CTIF: variants seen among roughly 807,000 people sequenced by gnomAD.
CTIF encodes the protein cap binding complex dependent translation initiation factor.
In CTIF, 21 loss-of-function variants were observed where a neutral mutation model predicts 66.0. The observed-to-expected ratio is 0.32, with a 90% CI of 0.23 to 0.46. The LOEUF (loss-of-function observed/expected upper bound fraction) is 0.46, where lower values mean the gene tolerates loss of function less well. Ranked by LOEUF, CTIF falls within the 20% of genes least tolerant of loss-of-function variation. The pLI is 1.00. For synonymous variants in CTIF, 345 were observed against 326.4 expected (o/e 1.06, Z -0.62); for missense variants, 739 against 812.7 (o/e 0.91, Z 1.10).
intron 3 of CTIF, among the ~76,000 whole-genome samples, chr18:48,650,554 G>A: frequency 6.6e-6 from 1 of 152,194 alleles, no homozygotes; most frequent in East Asian, 1.9e-4. Flanking sequence ...CACTCTTCAG[G>A]ATATTATCCA....
intron 1 of CTIF, among the ~76,000 whole-genome samples, chr18:48,591,056 G>A (rs141190505): frequency 1.3e-5 from 2 of 152,210 alleles, no homozygotes; most frequent in Admixed American, 6.5e-5. Flanking sequence ...AGGCCAGGGA[G>A]AGCTATTTCC....
chr18:48,729,500 C>G (rs560114038), intron 7 of CTIF, among the ~76,000 whole-genome samples: 1 of 152,158 alleles, frequency 6.6e-6, no homozygotes, highest in African/African-American at 2.4e-5. Flanking sequence ...TCACAGCAGC[C>G]GCCAGTGGTC....
At position 48,859,923 on chromosome 18, in the gene CTIF, G is replaced by T. The variant is rs1365742522; in HGVS notation, c.*364G>T. 6.1e-6 allele frequency: 3 copies of T among 493,554 alleles called. No homozygotes were observed. In the East Asian group the frequency reaches 1.8e-4, roughly 29 times the overall value. 30.6% of individuals were successfully genotyped at this position (493,554 alleles called of 1,614,324 possible). ...CTGTGACTCCTCGGAGACCTTGGCA[G>T]CCTCGCACGCCGGGGCACCGCTTGG... On this transcript the variant is annotated 3_prime_UTR_variant, in exon 12 of 12. Transcript: ENST00000256413.
intron 10 of CTIF, among the ~76,000 whole-genome samples, chr18:48,836,913 C>A (rs1364059082): frequency 6.6e-6 from 1 of 152,204 alleles, no homozygotes; most frequent in African/African-American, 2.4e-5. Context: ...AGTGGGACAC[C>A]CTGGGAAATT....
intron 10 of CTIF, among the ~76,000 whole-genome samples, chr18:48,832,716 A>C (rs998147418): frequency 6.6e-6 from 1 of 152,230 alleles, no homozygotes; most frequent in African/African-American, 2.4e-5. Context: ...AAGTATTGAA[A>C]CATGAAAGTA....
intron 1 of CTIF, among the ~76,000 whole-genome samples, chr18:48,553,626 A>T (rs1179781403): frequency 6.6e-6 from 1 of 151,690 alleles, no homozygotes; most frequent in Non-Finnish European, 1.5e-5. Flanking sequence ...ACTGGAAAAG[A>T]GGTTGAGTGA....
intron 6 of CTIF, among the ~76,000 whole-genome samples, chr18:48,689,063 T>C (rs1222034769): frequency 6.6e-6 from 1 of 152,194 alleles, no homozygotes; most frequent in African/African-American, 2.4e-5. Flanking sequence ...TGAGGGCTCT[T>C]CCGAAAGATG....
At chr18:48,653,732 A>G (rs1286917360) in intron 3 of CTIF, among the ~76,000 whole-genome samples, 1 of 152,264 alleles carries the variant, frequency 6.6e-6, no homozygotes, top group Non-Finnish European at 1.5e-5. Flanking sequence ...ACTATGCTGC[A>G]AGGCTACAGT....
At chr18:48,805,579 A>C (rs2068129191) in intron 9 of CTIF, among the ~76,000 whole-genome samples, 1 of 152,316 alleles carries the variant, frequency 6.6e-6, no homozygotes, top group Admixed American at 6.5e-5. Flanking sequence ...CCTTACTTGA[A>C]GCAACCCTGG....
chr18:48,804,159 G>T (rs2068098781), intron 9 of CTIF, among the ~76,000 whole-genome samples: 1 of 152,160 alleles, frequency 6.6e-6, no homozygotes, highest in Non-Finnish European at 1.5e-5. Flanking sequence ...CTTGGGGAAA[G>T]GTTCAAGTCC....
Position 48,860,059 on chromosome 18 carries a change from G to A in CTIF, c.*500G>A, listed in dbSNP as rs926191194. 9.6e-6 allele frequency: 4 copies of A among 416,676 alleles called. No individual in the cohort carries two copies. Among genetic ancestry groups the A allele is most frequent in the Non-Finnish European group, 1.5e-5 (3 of 203,632 alleles). The allele number at this position is 416,676 out of a possible 1,614,324, so 25.8% of individuals were successfully genotyped here. A position where few individuals can be genotyped will look rare whatever the true frequency, so the allele number is the denominator to read the frequency against. ...TGGCAGCAGGCGACGTGTAGCAGAT[G>A]TCCGGGAGGACAAAGGCAGGCACGG... On this transcript the variant is annotated 3_prime_UTR_variant, in exon 12 of 12. Transcript: ENST00000256413.
intron 6 of CTIF, among the ~76,000 whole-genome samples, chr18:48,678,019 T>C (rs1457314953): frequency 6.6e-6 from 1 of 152,188 alleles, no homozygotes; most frequent in African/African-American, 2.4e-5. Context: ...ATCACACAGC[T>C]GGGAGAAGGG....
At chr18:48,858,611 C>T (rs994210729) in intron 11 of CTIF, among the ~76,000 whole-genome samples, 10 of 152,092 alleles carry the variant, frequency 6.6e-5, no homozygotes, top group Non-Finnish European at 1.3e-4. Context: ...AGGCTGGGGA[C>T]CGAGACGGGG....
At chr18:48,699,710 A>G (rs1568147243) in intron 6 of CTIF, among the ~76,000 whole-genome samples, 2 of 152,204 alleles carry the variant, frequency 1.3e-5, no homozygotes. Context: ...TGGGCTGTCG[A>G]CATGCCATTC....
chr18:48,631,147 T>A (rs1169423163), intron 2 of CTIF, among the ~76,000 whole-genome samples: 1 of 152,194 alleles, frequency 6.6e-6, no homozygotes, highest in Non-Finnish European at 1.5e-5. Flanking sequence ...CCCTGGGGTC[T>A]CCCCAATCTT....
At position 48,675,863 on chromosome 18, in the gene CTIF, G is replaced by A. The variant is rs562254473; in HGVS notation, c.507+5119G>A. Among the ~76,000 whole-genome samples, 4 of 152,272 alleles carry A rather than the reference G, an allele frequency of 2.6e-5. No homozygotes were observed. The South Asian group carries it at 8.3e-4, about 32-fold the overall frequency. On this transcript the variant is annotated intron_variant, in intron 6 of 11. Transcript: ENST00000256413. ...GCTGGCTAAGTGGGGAGATGGAGCC[G>A]CATAATCTGTAATCCATAGTCTAAG...
At chr18:48,726,141 G>A (rs1296428931) in intron 7 of CTIF, among the ~76,000 whole-genome samples, 1 of 152,190 alleles carries the variant, frequency 6.6e-6, no homozygotes, top group East Asian at 1.9e-4. Context: ...CAAACCTGAG[G>A]ACTTATTGCC....
rs9950551 is a variant in CTIF, at chr18:48,655,321, G to A, written c.253-8431G>A. The stretch of plus-strand genomic sequence containing the variant: ...CTAAAAAAAAAAAAAAAAAAAAAAA[G>A]AAGAATAAAAAAAGCCGGAGTGACT... On this transcript the variant is annotated intron_variant, in intron 3 of 11. Transcript: ENST00000256413. Among the ~76,000 whole-genome samples the A allele has an allele frequency of 3.2e-3, 371 of 117,252 alleles. 1 individual carries two copies. Among genetic ancestry groups the A allele is most frequent in the African/African-American group, 0.01 (331 of 32,966 alleles). The allele number at this position is 117,252 out of a possible 152,430, so 76.9% of individuals were successfully genotyped here. A position where few individuals can be genotyped will look rare whatever the true frequency, so the allele number is the denominator to read the frequency against.
At chr18:48,612,980 AGTGTGG>A (rs1160437066) in intron 1 of CTIF, among the ~76,000 whole-genome samples, 2 of 152,096 alleles carry the variant, frequency 1.3e-5, no homozygotes, top group African/African-American at 4.8e-5. Context: ...AGCCTGAAGA[AGTGTGG>A]GGTGCAGTGC....
Sources: gnomAD v4.1 joint callset for allele counts (sites outside exome capture counted in the v4.1 genomes callset) on GRCh38, gnomAD v4.1.1 for gene constraint, MANE v1.5 for transcripts, NCBI Gene and HGNC (gene_info 2026-07-23, HGNC 2026-07-21) for gene names.